Variants in MLLT10 observed in about 807,000 individuals in gnomAD.
The protein encoded by MLLT10 is protein AF-10.
In MLLT10, 30 loss-of-function variants were observed where a neutral mutation model predicts 129.1. The ratio of observed to expected loss-of-function variants is 0.23; its 90% CI spans 0.17 to 0.32. The LOEUF (loss-of-function observed/expected upper bound fraction) is 0.32. Among genes scored for constraint, MLLT10 ranks in the 10% least tolerant of loss-of-function variants. MLLT10 has a pLI of 1.00. For synonymous variants in MLLT10, 490 were observed against 446.4 expected, an observed-to-expected ratio of 1.10 and a Z score of -1.23; for missense variants, 1,119 against 1,268.3, an observed-to-expected ratio of 0.88 and a Z score of 1.79.
intron 2 of MLLT10, among the ~76,000 whole-genome samples, chr10:21,536,914 G>C (rs760699646): frequency 1.4e-4 from 21 of 152,098 alleles, no homozygotes; most frequent in Non-Finnish European, 2.8e-4. Context: ...CTCCCGAGTA[G>C]CTGGGATTGC....
intron 14 of MLLT10, among the ~76,000 whole-genome samples, chr10:21,719,838 C>T (rs1303378664): frequency 6.6e-6 from 1 of 152,108 alleles, no homozygotes; most frequent in Non-Finnish European, 1.5e-5. Context: ...GCCTAATTAC[C>T]AGTGAGAAAT....
chr10:21,720,934 A>C (rs1176343152), intron 14 of MLLT10, among the ~76,000 whole-genome samples: 1 of 152,216 alleles, frequency 6.6e-6, no homozygotes, highest in East Asian at 1.9e-4. Flanking sequence ...CATTTTCCAG[A>C]TGGAAATTGA....
rs748660638 is a variant in MLLT10, at chr10:21,734,082, C to G, written c.2811C>G (p.Thr937=). Residue 937 remains threonine (T), a synonymous_variant, in exon 20 of 23, where the codon ACC becomes ACG. Transcript: ENST00000307729. ...SQNPTPLTHT[T]VPPNATHPMP... is the part of the protein sequence containing the mutation. ...ACCCTACCCCTCTCACCCACACAAC[C>G]GTACCACCTAATGCAACACATCCAA... 29 of 1,613,636 alleles carry G rather than the reference C, an allele frequency of 1.8e-5. No homozygotes were observed. The highest frequency in any genetic ancestry group is 2.2e-5 in the Non-Finnish European group (26 of 1,179,818).
Position 21,538,873 on chromosome 10 carries a change from T to A in MLLT10, c.201T>A (p.Phe67Leu). Residue 67 changes from phenylalanine (F) to leucine (L), a missense_variant, in exon 3 of 23, where the codon TTT (phenylalanine) becomes TTA (leucine). Around this residue, in one of 5 missense-constraint regions of MLLT10, gnomAD observed 33 missense variants for 76.9 expected, o/e 0.43. Transcript: ENST00000307729. ...GIVQVPTGPW[F>L]CRKCESQERA... Reference sequence around the variant, plus strand: ...TTCAAGTACCCACTGGACCGTGGTTTTGCAGGAAATGTGAATCTCAGGAGA... The same window carrying A: ...TTCAAGTACCCACTGGACCGTGGTTATGCAGGAAATGTGAATCTCAGGAGA... 1 of 1,613,702 alleles carries A rather than the reference T, an allele frequency of 6.2e-7. No individual in the cohort carries two copies. The highest frequency in any genetic ancestry group is 8.5e-7 in the Non-Finnish European group (1 of 1,179,664).
rs549218958 is a variant in MLLT10, at chr10:21,574,862, CCTT to C, written c.241-11428_241-11426del. ...TCTTGGCTTTGGTGGGTTTTGGCCC[CCTT>C]CTTTATTACAACCTGTTTTATCAGC... On this transcript the variant is annotated intron_variant, in intron 3 of 22. Coordinates refer to ENST00000307729, the MANE Select transcript of MLLT10 (RefSeq NM_001195626.3). 2.1e-3 allele frequency among the ~76,000 whole-genome samples: 325 copies of C among 152,168 alleles called. 3 individuals are homozygous for C. Among genetic ancestry groups the C allele is most frequent in the African/African-American group, 7.5e-3 (310 of 41,510 alleles).
At chr10:21,608,007 G>GTT (rs531496599) in intron 5 of MLLT10, among the ~76,000 whole-genome samples, 1 of 143,172 alleles carries the variant, frequency 7.0e-6, no homozygotes, top group Non-Finnish European at 1.5e-5. Flanking sequence ...ATTTACAGGT[G>GTT]TTTTTTTTTT....
chr10:21,614,685 G>C (rs1324343716), intron 6 of MLLT10, 146 bp from the exon 7 acceptor site: 2 of 613,236 alleles, frequency 3.3e-6, no homozygotes, highest in African/African-American at 3.7e-5. Context: ...GTCACAGCTA[G>C]AATAAAGCTT....
At chr10:21,673,299 T>TGGGGGG in intron 10 of MLLT10, 51 bp from the exon 11 acceptor site, 8 of 774,310 alleles carry the variant, frequency 1.0e-5, no homozygotes, top group African/African-American at 1.9e-5. Flanking sequence ...CCAATTTTTC[T>TGGGGGG]GTCCCCCCCA....
At chr10:21,603,574 T>C (rs1424976013) in intron 5 of MLLT10, among the ~76,000 whole-genome samples, 1 of 151,368 alleles carries the variant, frequency 6.6e-6, no homozygotes, top group African/African-American at 2.4e-5. Flanking sequence ...TGTAGATTCA[T>C]CACCCAATTC....
chr10:21,701,258 T>G (rs2054878035), intron 13 of MLLT10, among the ~76,000 whole-genome samples: 1 of 151,642 alleles, frequency 6.6e-6, no homozygotes, highest in Admixed American at 6.6e-5. Flanking sequence ...GTTTACCTTT[T>G]GAAGAACCAA....
intron 22 of MLLT10, 118 bp from the exon 23 acceptor site, chr10:21,741,821 G>C (rs1833686223): frequency 3.8e-6 from 4 of 1,046,044 alleles, no homozygotes; most frequent in Non-Finnish European, 4.2e-6. Context: ...TTGCCAACTT[G>C]CAAGAAAAAA....
chr10:21,707,415 T>A (rs1455528481), intron 13 of MLLT10, among the ~76,000 whole-genome samples: 1 of 151,944 alleles, frequency 6.6e-6, no homozygotes, highest in Non-Finnish European at 1.5e-5. Flanking sequence ...ATGGTCTCGA[T>A]CTCCTGACCT....
intron 4 of MLLT10, among the ~76,000 whole-genome samples, chr10:21,588,743 G>T (rs2042229950): frequency 6.6e-6 from 1 of 151,828 alleles, no homozygotes; most frequent in Non-Finnish European, 1.5e-5. Flanking sequence ...ATATTAGTGA[G>T]GTTCACATCT....
At chr10:21,594,076 G>A (rs1278389101) in intron 4 of MLLT10, among the ~76,000 whole-genome samples, 1 of 151,616 alleles carries the variant, frequency 6.6e-6, no homozygotes, top group Non-Finnish European at 1.5e-5. Flanking sequence ...TCAAATTTCA[G>A]TTTGAGATGG....
rs1410967454 is a variant in MLLT10 at position 21,743,021 on chromosome 10, T to G, written c.*1038T>G. The G allele has an allele frequency of 8.7e-6, 2 of 230,100 alleles. No homozygotes were observed. Among genetic ancestry groups the G allele is most frequent in the Non-Finnish European group, 1.7e-5 (2 of 116,162 alleles). The allele number at this position is 230,100 out of a possible 1,614,324, so 14.3% of individuals were successfully genotyped here. ...TTGTTTTATTTAAACCACTTCCCATTACTGACCATTAAAAGCTCACCACTA... is the reference window on the plus strand; with the variant it reads ...TTGTTTTATTTAAACCACTTCCCATGACTGACCATTAAAAGCTCACCACTA... On this transcript the variant is annotated 3_prime_UTR_variant, in exon 23 of 23. Coordinates refer to ENST00000307729, the MANE Select transcript of MLLT10 (RefSeq NM_001195626.3).
intron 13 of MLLT10, among the ~76,000 whole-genome samples, chr10:21,695,458 T>C (rs1002995978): frequency 2.0e-5 from 3 of 152,218 alleles, no homozygotes; most frequent in African/African-American, 7.2e-5. Flanking sequence ...CACCAACCTG[T>C]CTTTAGAATT....
intron 3 of MLLT10, among the ~76,000 whole-genome samples, chr10:21,549,741 G>A (rs1052385279): frequency 2.0e-5 from 3 of 147,342 alleles, no homozygotes; most frequent in African/African-American, 7.5e-5. Flanking sequence ...TCTACTTCCC[G>A]GGTTCTCCTG....
At chr10:21,724,355 ATG>A (rs2057332195) in intron 14 of MLLT10, among the ~76,000 whole-genome samples, 1 of 152,256 alleles carries the variant, frequency 6.6e-6, no homozygotes, top group Non-Finnish European at 1.5e-5. Flanking sequence ...CAATGTCATG[ATG>A]TGAGTCTGTC....
chr10:21,682,572 G>C (rs2052852234), intron 13 of MLLT10, among the ~76,000 whole-genome samples: 1 of 152,126 alleles, frequency 6.6e-6, no homozygotes, highest in African/African-American at 2.4e-5. Context: ...TGCCAGTGCA[G>C]GTAATTATTG....
Sources: gnomAD v4.1 joint callset for allele counts (sites outside exome capture counted in the v4.1 genomes callset) on GRCh38, gnomAD v4.1.1 for gene constraint, gnomAD v4.1.1 regional missense constraint, MANE v1.5 for transcripts, NCBI Gene and HGNC (gene_info 2026-07-23, HGNC 2026-07-21) for gene names.